CHI3L2: variants seen among roughly 807,000 people sequenced by gnomAD.
The protein encoded by CHI3L2 is chitinase-3-like protein 2.
In CHI3L2, 47 loss-of-function variants were observed where a neutral mutation model predicts 47.3. The observed-to-expected ratio is 0.99, with a 90% confidence interval of 0.79 to 1.27. The LOEUF is 1.27. CHI3L2 is among the 50% of genes most tolerant of loss of function. The probability of loss-of-function intolerance (pLI) is 0.00; values close to 1 mark genes in which losing one functional copy is unlikely to be tolerated. For missense variants in CHI3L2, 497 were observed against 462.1 expected, an observed-to-expected ratio of 1.08 and a Z score of -0.69; for synonymous variants, 198 against 169.9, an observed-to-expected ratio of 1.17 and a Z score of -1.28.
intron 3 of CHI3L2, 46 bp downstream of exon 3, chr1:111,230,989 G>T: frequency 2.0e-6 from 3 of 1,501,508 alleles, no homozygotes; most frequent in Non-Finnish European, 2.8e-6. Flanking sequence ...TTTTAGAGGA[G>T]GGAAGCTGGT....
At chr1:111,242,754 A>G (rs1436592453) in intron 10 of CHI3L2, 2 of 167,486 alleles carry the variant, frequency 1.2e-5, no homozygotes, top group East Asian at 3.3e-4. Context: ...GATAATTTCC[A>G]TCTCACTCAT....
chr1:111,242,607 G>A (rs1470567151), intron 10 of CHI3L2: 1 of 339,610 alleles, frequency 2.9e-6, no homozygotes, highest in Non-Finnish European at 5.3e-6. Context: ...CATAGTATGA[G>A]CTAAAGACTT....
intron 1 of CHI3L2, among the ~76,000 whole-genome samples, chr1:111,229,538 C>T (rs374876773): frequency 1.1e-4 from 16 of 148,582 alleles, no homozygotes; most frequent in South Asian, 6.5e-4. Flanking sequence ...AAAAATTAGC[C>T]GGGCGTAGTG....
chr1:111,237,523 GA>G (rs1193382106), intron 7 of CHI3L2, among the ~76,000 whole-genome samples: 1 of 152,188 alleles, frequency 6.6e-6, no homozygotes, highest in East Asian at 1.9e-4. Flanking sequence ...TCCAGAGCTA[GA>G]TATGATTTCT....
intron 4 of CHI3L2, among the ~76,000 whole-genome samples, chr1:111,233,528 G>A (rs55857873): frequency 6.6e-6 from 1 of 152,110 alleles, no homozygotes; most frequent in Non-Finnish European, 1.5e-5. Flanking sequence ...AGGGTGTAAA[G>A]TGTTAAAGAA....
rs771290048 is a variant in CHI3L2, at chr1:111,238,900, A to G, written c.886A>G (p.Thr296Ala). ...ASGPGAAGPI[T>A]ESSGFLAYYE... ...TGGCCCTGGAGCTGCTGGACCCATC[A>G]CAGAGTCTTCAGGCTTCCTGGCCTA... The change falls in exon 8 of 11, where the codon ACA becomes GCA. Residue 296 changes from threonine (T) to alanine (A), a missense_variant. By Grantham distance (58) the Thr-to-Ala change is moderately conservative (BLOSUM62 0). Coordinates refer to ENST00000369748, the MANE Select transcript of CHI3L2 (RefSeq NM_004000.3). 1.9e-5 allele frequency: 31 copies of G among 1,609,388 alleles called. No individual in the cohort carries two copies. The highest frequency in any genetic ancestry group is 1.2e-4 in the Admixed American group (7 of 58,834).
In CHI3L2 at chr1:111,230,730, A is replaced by G. The variant is rs539123445; in HGVS notation, c.71-12A>G. 35 of 1,611,954 alleles carry G rather than the reference A, an allele frequency of 2.2e-5. No individual in the cohort carries two copies. The East Asian group carries it at 7.8e-4, about 36-fold the overall frequency. On this transcript the variant is annotated splice_polypyrimidine_tract_variant and intron_variant, in intron 2 of 10. Transcript: ENST00000369748. ...CCCTAGAGTCTCACTGGCTCTCTTC[A>G]CTCTACTCCAGGATCTGCCTACAAA...
intron 4 of CHI3L2, 24 bp from the exon 5 acceptor site, chr1:111,234,883 G>C (rs375694927): frequency 3.1e-6 from 5 of 1,610,630 alleles, no homozygotes; most frequent in Non-Finnish European, 3.4e-6. Context: ...TTTCCAAAAA[G>C]ACACTCGTAT....
rs1659836228 is a variant in CHI3L2 at position 111,234,999 on chromosome 1, A to T, written c.422A>T (p.Asp141Val). The T allele has an allele frequency of 1.2e-6, 2 of 1,614,002 alleles. No homozygotes were observed. Among genetic ancestry groups the T allele is most frequent in the Non-Finnish European group, 1.7e-6 (2 of 1,180,000 alleles). The change falls in exon 5 of 11, where the codon GAT becomes GTT. Residue 141 changes from aspartate to valine, a missense_variant. Physicochemically the swap from Asp to Val is radical, Grantham distance 152. Coordinates refer to ENST00000369748, the MANE Select transcript of CHI3L2 (RefSeq NM_004000.3). ...AGGAACCATAACTTTGATGGACTGGATGTAAGCTGGATCTACCCAGATCAG... is the reference window on the plus strand; with the variant it reads ...AGGAACCATAACTTTGATGGACTGGTTGTAAGCTGGATCTACCCAGATCAG... ...FLRNHNFDGL[D>V]VSWIYPDQKE... is the part of the protein sequence containing the mutation.
At chr1:111,234,859 A>G (rs779628641) in intron 4 of CHI3L2, 48 bp from the exon 5 acceptor site, 2 of 1,582,650 alleles carry the variant, frequency 1.3e-6, no homozygotes, top group South Asian at 2.2e-5. Context: ...TTACACTACA[A>G]GTGTTACTTG....
At chr1:111,243,125 C>A in intron 10 of CHI3L2, 92 bp from the exon 11 acceptor site, 1 of 455,558 alleles carries the variant, frequency 2.2e-6, no homozygotes, top group East Asian at 6.9e-5. Context: ...TGGGTAGCAG[C>A]CTTCCAACTC....
intron 7 of CHI3L2, among the ~76,000 whole-genome samples, chr1:111,237,306 C>A (rs1659913577): frequency 1.3e-5 from 2 of 152,198 alleles, no homozygotes; most frequent in South Asian, 4.1e-4. Flanking sequence ...TTGGCTTACA[C>A]CCAGGAATGA....
In CHI3L2 at chr1:111,236,294, T is replaced by G. The variant is rs545678033; in HGVS notation, c.735+141T>G. 7.9e-5 allele frequency: 67 copies of G among 852,452 alleles called. 2 individuals carry two copies. The South Asian group carries it at 1.1e-3, about 13-fold the overall frequency. 52.8% of individuals were successfully genotyped at this position (852,452 alleles called of 1,614,324 possible). On this transcript the variant is annotated intron_variant, in intron 7 of 10. Coordinates refer to ENST00000369748, the MANE Select transcript of CHI3L2 (RefSeq NM_004000.3). ...GGAATTGGGTAGCCCCAGGAGCAAG[T>G]GAGTGCAGGAGAAGTGCTTTGACCA...
chr1:111,241,261 GTC>G, intron 8 of CHI3L2, 64 bp from the exon 9 acceptor site: 2 of 891,184 alleles, frequency 2.2e-6, no homozygotes, highest in Non-Finnish European at 3.8e-6. Context: ...CACCTGCCCT[GTC>G]TACCCCAACC....
At chr1:111,238,448 A>G (rs1424845095) in intron 7 of CHI3L2, among the ~76,000 whole-genome samples, 6 of 152,234 alleles carry the variant, frequency 3.9e-5, no homozygotes, top group Non-Finnish European at 8.8e-5. Context: ...AGTTGACTCA[A>G]AAGGGGAAGG....
At chr1:111,237,130 T>G (rs1659909164) in intron 7 of CHI3L2, among the ~76,000 whole-genome samples, 2 of 152,236 alleles carry the variant, frequency 1.3e-5, no homozygotes, top group African/African-American at 4.8e-5. Context: ...TCTTGCAGCC[T>G]TTGGCCGCAT....
intron 7 of CHI3L2, among the ~76,000 whole-genome samples, chr1:111,236,685 T>C (rs1659897900): frequency 1.3e-5 from 2 of 152,182 alleles, no homozygotes; most frequent in Admixed American, 1.3e-4. Context: ...GTTGATGTTG[T>C]TCTGGAACAT....
intron 4 of CHI3L2, 45 bp downstream of exon 4, chr1:111,231,339 T>G (rs755938031): frequency 7.2e-7 from 1 of 1,396,536 alleles, no homozygotes; most frequent in Non-Finnish European, 1.0e-6. Context: ...CATGTAATTT[T>G]TGATCATCAT....
chr1:111,238,378 A>T (rs1659944512), intron 7 of CHI3L2, among the ~76,000 whole-genome samples: 2 of 152,228 alleles, frequency 1.3e-5, no homozygotes, highest in Admixed American at 1.3e-4. Context: ...GGAATCTGAC[A>T]GCCACCTTTG....
Sources: gnomAD v4.1 joint callset for allele counts (sites outside exome capture counted in the v4.1 genomes callset) on GRCh38, gnomAD v4.1.1 for gene constraint, MANE v1.5 for transcripts, NCBI Gene and HGNC (gene_info 2026-07-23, HGNC 2026-07-21) for gene names.